Variants in TPPP observed in about 807,000 individuals in gnomAD.
TPPP encodes the protein tubulin polymerization promoting protein.
In TPPP, 6 loss-of-function variants were observed where a neutral mutation model predicts 15.5. The ratio of observed to expected loss-of-function variants is 0.39; its 90% confidence interval spans 0.21 to 0.77. TPPP has a LOEUF of 0.77. Among genes scored for constraint, TPPP ranks in the 30% least tolerant of loss-of-function variants. TPPP has a pLI of 0.42. For synonymous variants in TPPP, 146 were observed against 133.9 expected, an observed-to-expected ratio of 1.09 and a Z score of -0.63; for missense variants, 269 against 307.2, an observed-to-expected ratio of 0.88 and a Z score of 0.93.
intron 2 of TPPP, among the ~76,000 whole-genome samples, chr5:670,366 C>G (rs935724115): frequency 1.3e-5 from 2 of 152,212 alleles, no homozygotes; most frequent in African/African-American, 4.8e-5. Flanking sequence ...CTGGAGTGCC[C>G]TGTCCAGAGG....
Position 679,247 on chromosome 5 carries a change from A to G in TPPP, c.-4-1183T>C, listed in dbSNP as rs429190. Among the ~76,000 whole-genome samples, 305 of 151,984 alleles carry G rather than the reference A, an allele frequency of 2.0e-3. 3 individuals carry two copies. Among genetic ancestry groups the G allele is most frequent in the African/African-American group, 6.8e-3 (281 of 41,296 alleles). On this transcript the variant is annotated intron_variant, in intron 1 of 3. Coordinates refer to ENST00000360578, the MANE Select transcript of TPPP (RefSeq NM_007030.3). ...TCCCACAAATTCCCCCAAAACAGCC[A>G]GAAAAAAATCCAGGGGCACTCCCTC...
the TPPP span, among the ~76,000 whole-genome samples, chr5:698,791 A>C: frequency 6.6e-6 from 1 of 151,858 alleles, no homozygotes; most frequent in Admixed American, 6.6e-5. Context: ...CCACCAAAAA[A>C]CTCTTAGATT....
At chr5:672,725 C>T (rs1740266792) in intron 2 of TPPP, among the ~76,000 whole-genome samples, 1 of 152,236 alleles carries the variant, frequency 6.6e-6, no homozygotes, top group Non-Finnish European at 1.5e-5. Context: ...GGGCCCCACT[C>T]CCACCGCCCG....
At chr5:684,006 T>A (rs1379239133) in intron 1 of TPPP, among the ~76,000 whole-genome samples, 2 of 152,014 alleles carry the variant, frequency 1.3e-5, no homozygotes, top group Admixed American at 6.5e-5. Context: ...CTGCCCAGAG[T>A]CCCTGGAGAC....
rs758170137 is a variant in TPPP, at chr5:684,327, G to A, written c.-4-6263C>T. On this transcript the variant is annotated intron_variant, in intron 1 of 3. Coordinates refer to ENST00000360578, the MANE Select transcript of TPPP (RefSeq NM_007030.3). ...CAGCCCCAAGGGAGACCTTGTAGGC[G>A]CCTGGCCAGCAGGGCTGAGGAGAAA... Among the ~76,000 whole-genome samples, 14 of 152,198 alleles carry A rather than the reference G, an allele frequency of 9.2e-5. No homozygotes were observed. In the East Asian group the frequency reaches 2.3e-3, roughly 25 times the overall value.
intron 1 of TPPP, among the ~76,000 whole-genome samples, chr5:687,312 G>A (rs1417864542): frequency 7.4e-6 from 1 of 135,208 alleles, no homozygotes; most frequent in African/African-American, 2.7e-5. Flanking sequence ...GGTGGGACCA[G>A]AGGCTCAGCA....
chr5:674,636 G>T (rs185601080), intron 2 of TPPP, among the ~76,000 whole-genome samples: 2 of 152,188 alleles, frequency 1.3e-5, no homozygotes, highest in East Asian at 3.9e-4. Flanking sequence ...CCACCAGAGC[G>T]GCCCTGGTCA....
At chr5:683,182 G>T (rs990522520) in intron 1 of TPPP, among the ~76,000 whole-genome samples, 4 of 152,318 alleles carry the variant, frequency 2.6e-5, no homozygotes, top group Non-Finnish European at 5.9e-5. Flanking sequence ...ACAGCTGCTT[G>T]TGCCTCAGTC....
chr5:666,919 G>A (rs922668133), intron 2 of TPPP: 13 of 152,216 alleles, frequency 8.5e-5, no homozygotes, highest in African/African-American at 3.1e-4. Flanking sequence ...AAGAGATCCT[G>A]TGGATGAGGC....
chr5:681,024 A>G (rs1740607215), intron 1 of TPPP, among the ~76,000 whole-genome samples: 1 of 152,302 alleles, frequency 6.6e-6, no homozygotes, highest in South Asian at 2.1e-4. Context: ...AATGACGGTA[A>G]TAAGAATACA....
chr5:677,002 GCAC>G (rs1561088534), intron 2 of TPPP, among the ~76,000 whole-genome samples: 2,086 of 147,120 alleles, frequency 0.014, 41 homozygotes, highest in African/African-American at 0.049. Context: ...GCGCACACGT[GCAC>G]ACGCAGAAAC....
chr5:675,604 A>T (rs1580088460), intron 2 of TPPP, among the ~76,000 whole-genome samples: 1 of 146,118 alleles, frequency 6.8e-6, no homozygotes, highest in East Asian at 2.0e-4. Context: ...CATGGGGGGT[A>T]CAGTGTGGCC....
At chr5:673,558 C>T (rs951226708) in intron 2 of TPPP, among the ~76,000 whole-genome samples, 4 of 152,162 alleles carry the variant, frequency 2.6e-5, no homozygotes, top group Admixed American at 6.5e-5. Flanking sequence ...TCCCACACGG[C>T]GCCCACTCAC....
In TPPP at chr5:667,894, G is replaced by C. The variant is rs1388851188; in HGVS notation, c.312-1771C>G. On this transcript the variant is annotated intron_variant, in intron 2 of 3. Transcript: ENST00000360578. ...CCGACAAGCACACAGAGAGGGGGCC[G>C]TGTGGGCGCCGTCAGGGAAGTACCG... 3.7e-5 allele frequency among the ~76,000 whole-genome samples: 3 copies of C among 81,986 alleles called. 1 individual carries two copies. Among genetic ancestry groups the C allele is most frequent in the Non-Finnish European group, 6.7e-5 (3 of 44,730 alleles). 53.8% of individuals were successfully genotyped at this position (81,986 alleles called of 152,430 possible).
intron 2 of TPPP, among the ~76,000 whole-genome samples, chr5:670,652 C>T (rs1488759164): frequency 2.0e-5 from 3 of 152,128 alleles, no homozygotes; most frequent in Admixed American, 1.3e-4. Context: ...CACGTCGCTC[C>T]GAGTTCTCAC....
At chr5:698,846 C>T in the TPPP span, among the ~76,000 whole-genome samples, 7 of 152,064 alleles carry the variant, frequency 4.6e-5, no homozygotes, top group African/African-American at 1.7e-4. Flanking sequence ...AATTAATGTA[C>T]AGAAATCAAT....
At chr5:671,332 C>T (rs1310514696) in intron 2 of TPPP, among the ~76,000 whole-genome samples, 1 of 152,106 alleles carries the variant, frequency 6.6e-6, no homozygotes, top group East Asian at 1.9e-4. Flanking sequence ...GGACTTGGGG[C>T]CCAGAGGGAC....
intron 2 of TPPP, among the ~76,000 whole-genome samples, chr5:669,353 T>C (rs2126877908): frequency 6.6e-6 from 1 of 152,272 alleles, no homozygotes. Context: ...ATTTAGCCCC[T>C]TGACGCGCTC....
In TPPP at chr5:661,592, C is replaced by T. The variant is rs779505677; in HGVS notation, c.*3510G>A. The T allele has an allele frequency of 1.3e-5, 2 of 152,424 alleles. No homozygotes were observed. The highest frequency in any genetic ancestry group is 2.4e-5 in the African/African-American group (1 of 41,470). 9.4% of individuals were successfully genotyped at this position (152,424 alleles called of 1,614,324 possible). A position where few individuals can be genotyped will look rare whatever the true frequency, so the allele number is the denominator to read the frequency against. ...GTGCATAAAAACATGCAGAAGAGAA[C>T]ACACACCTGCCTGAATTCACAATAT... On this transcript the variant is annotated 3_prime_UTR_variant, in exon 4 of 4. Transcript: ENST00000360578.
Sources: gnomAD v4.1 joint callset for allele counts (sites outside exome capture counted in the v4.1 genomes callset) on GRCh38, gnomAD v4.1.1 for gene constraint, MANE v1.5 for transcripts, NCBI Gene and HGNC (gene_info 2026-07-23, HGNC 2026-07-21) for gene names.